The following TAF1L variants were observed in gnomAD, a reference collection of about 807,000 sequenced individuals.
The protein encoded by TAF1L is TATA-box binding protein associated factor 1 like.
A neutral mutation model predicts 128.8 loss-of-function variants in TAF1L; 30 were observed. The observed-to-expected ratio is 0.23, with a 90% CI of 0.17 to 0.32. The LOEUF is 0.32. Ranked by LOEUF, TAF1L falls within the 10% of genes least tolerant of loss-of-function variation. The probability of loss-of-function intolerance (pLI) is 1.00; values close to 1 mark genes in which losing one functional copy is unlikely to be tolerated. For missense variants in TAF1L, 2,099 were observed against 2,253.7 expected (o/e 0.93, Z 1.39); for synonymous variants, 764 against 790.7 (o/e 0.97, Z 0.57).
In TAF1L at chr9:32,634,550, T is replaced by C. The variant is rs768570494; in HGVS notation, c.1030A>G (p.Thr344Ala). Residue 344 changes from threonine (T) to alanine (A), a missense_variant, in exon 1 of 1, where the codon ACT becomes GCT. Physicochemically the swap from Thr to Ala is moderately conservative, Grantham distance 58. This residue lies in a region of TAF1L where 473 missense variants were observed against 429.6 expected (regional missense o/e 1.10). Transcript: ENST00000242310. ...TCTGTCACTTTATCTACATCTCCAG[T>C]TGATTGGGAAAATTTGGACTCCACA... ...VPVESKFSQS[T>A]GDVDKVTDTK... The C allele has an allele frequency of 1.2e-6, 2 of 1,614,132 alleles. No homozygotes were observed. The highest frequency in any genetic ancestry group is 1.7e-6 in the Non-Finnish European group (2 of 1,180,006).
chr9:32,631,348 A>G lies in TAF1L; in HGVS notation c.4232T>C (p.Ile1411Thr). The G allele has an allele frequency of 6.2e-7, 1 of 1,614,202 alleles. No homozygotes were observed. The highest frequency in any genetic ancestry group is 1.7e-5 in the Admixed American group (1 of 60,028). The change falls in exon 1 of 1, where the codon ATC becomes ACC. Residue 1411 changes from isoleucine to threonine, a missense_variant. Coordinates refer to ENST00000242310, the MANE Select transcript of TAF1L (RefSeq NM_153809.2). This position sits in a 1 kb window ranked among gnomAD's most constrained non-coding sequence, Gnocchi z 4.1. ...MVTLSSILESIINDMRDLPNT... is the reference protein window; with the variant it reads ...MVTLSSILESTINDMRDLPNT... ...TGGAAGATCTCTCATGTCATTGATG[A>G]TAGACTCCAGGATGGATGACAGCGT...
chr9:32,632,307 T>C lies in TAF1L; in HGVS notation c.3273A>G (p.Leu1091=), dbSNP rs148986899. 5.0e-6 allele frequency: 8 copies of C among 1,614,214 alleles called. No individual in the cohort carries two copies. The African/African-American group carries it at 8.0e-5, about 16-fold the overall frequency. Residue 1091 remains leucine, a synonymous_variant, in exon 1 of 1, where the codon CTA becomes CTG. Transcript: ENST00000242310. This position sits in a 1 kb window ranked among gnomAD's most constrained non-coding sequence, Gnocchi z 4.4. ...YKEECQRIFD[L]QNKVLSSTEV... is the part of the protein sequence containing the mutation. ...CAGTTGATGACAGAACCTTGTTCTG[T>C]AGGTCAAAGATACGCTGACATTCCT...
rs1180376388 is a variant in TAF1L, at chr9:32,635,582, A to G, written c.-3T>C. On this transcript the variant is annotated 5_prime_UTR_variant, in exon 1 of 1. Coordinates refer to ENST00000242310, the MANE Select transcript of TAF1L (RefSeq NM_153809.2). Reference sequence around the variant, plus strand: ...AGCAAATCGCAGCCGGGTCGCATAAACCGGAAATAAAACAACAGTCGCCCG... The same window carrying G: ...AGCAAATCGCAGCCGGGTCGCATAAGCCGGAAATAAAACAACAGTCGCCCG... The G allele has an allele frequency of 3.2e-6, 5 of 1,584,486 alleles. No individual in the cohort carries two copies. Among genetic ancestry groups the G allele is most frequent in the Middle Eastern group, 3.4e-4 (2 of 5,886 alleles).
rs778729154 is a variant in TAF1L at position 32,629,782 on chromosome 9, C to A, written c.*317G>T. The A allele has an allele frequency of 4.3e-5, 20 of 469,446 alleles. No homozygotes were observed. Among genetic ancestry groups the A allele is most frequent in the Non-Finnish European group, 6.8e-5 (18 of 264,912 alleles). The allele number at this position is 469,446 out of a possible 1,614,324, so 29.1% of individuals were successfully genotyped here. A position where few individuals can be genotyped will look rare whatever the true frequency, so the allele number is the denominator to read the frequency against. ...AAGCAATTCTCCTGCTTCAGCCTCCCGAGTATCTGGGGATTACAGGCGTGC... is the reference window on the plus strand; with the variant it reads ...AAGCAATTCTCCTGCTTCAGCCTCCAGAGTATCTGGGGATTACAGGCGTGC... On this transcript the variant is annotated 3_prime_UTR_variant, in exon 1 of 1. Coordinates refer to ENST00000242310, the MANE Select transcript of TAF1L (RefSeq NM_153809.2).
rs1822503318 is a variant in TAF1L at position 32,630,510 on chromosome 9, C to A, written c.5070G>T (p.Leu1690Phe). 3.1e-6 allele frequency: 5 copies of A among 1,614,196 alleles called. No individual in the cohort carries two copies. The East Asian group carries it at 8.9e-5, about 29-fold the overall frequency. The change falls in exon 1 of 1, where the codon TTG becomes TTT. Residue 1690 changes from leucine to phenylalanine, a missense_variant. Physicochemically the swap from Leu to Phe is conservative, Grantham distance 22. Around this residue, in one of 4 missense-constraint regions of TAF1L, gnomAD observed 404 missense variants for 406.5 expected, o/e 0.99. Coordinates refer to ENST00000242310, the MANE Select transcript of TAF1L (RefSeq NM_153809.2). The stretch of plus-strand genomic sequence containing the variant: ...TGGCAGTGGAAATATCCAAGACAGA[C>A]AAATTGCTCTCATCTTGAAATACAG... ...DASVFQDESN[L>F]SVLDISTATP... is the part of the protein sequence containing the mutation.
rs777711858 is a variant in TAF1L, at chr9:32,632,967, G to A, written c.2613C>T (p.Phe871=). ...IRKRLKLCAD[F]KRTGMDSNWW... is the part of the protein sequence containing the mutation. ...AGTTTGAATCCATCCCTGTGCGTTT[G>A]AAGTCAGCGCAGAGCTTTAGCCTCT... Residue 871 remains phenylalanine (F), a synonymous_variant, in exon 1 of 1, where the codon TTC becomes TTT. Transcript: ENST00000242310. The surrounding 1 kb of genome is among the most constrained non-coding windows in gnomAD (Gnocchi z 4.4). 1.3e-5 allele frequency: 21 copies of A among 1,614,242 alleles called. No homozygotes were observed. The highest frequency in any genetic ancestry group is 1.8e-5 in the Non-Finnish European group (21 of 1,180,040).
rs527429049 is a variant in TAF1L, at chr9:32,633,526, C to A, written c.2054G>T (p.Arg685Leu). ...TTTGCCTGTGAGATCCTGAGGTGTG[C>A]GCATAAAAAACAACTCTCCACCACC... ...ASGGGELFFM[R>L]TPQDLTGKDG... The change falls in exon 1 of 1, where the codon CGC becomes CTC. Residue 685 changes from arginine to leucine, a missense_variant. Coordinates refer to ENST00000242310, the MANE Select transcript of TAF1L (RefSeq NM_153809.2). The A allele has an allele frequency of 1.2e-6, 2 of 1,614,036 alleles. No individual in the cohort carries two copies. The highest frequency in any genetic ancestry group is 1.3e-5 in the African/African-American group (1 of 74,902).
In TAF1L at chr9:32,633,844, T is replaced by G. The variant is rs752140615; in HGVS notation, c.1736A>C (p.Glu579Ala). ...EEPQQNMSQP[E>A]VKDPWNLSND... is the part of the protein sequence containing the mutation. ...GGAGAGATTCCATGGATCTTTCACT[T>G]CTGGCTGAGACATGTTCTGCTGTGG... Residue 579 changes from glutamate (E) to alanine (A), a missense_variant, in exon 1 of 1, where the codon GAA (glutamate) becomes GCA (alanine). Transcript: ENST00000242310. 6.2e-7 allele frequency: 1 copy of G among 1,614,214 alleles called. No homozygotes were observed. Among genetic ancestry groups the G allele is most frequent in the Non-Finnish European group, 8.5e-7 (1 of 1,180,040 alleles).
Position 32,630,185 on chromosome 9 carries a change from C to T in TAF1L, c.5395G>A (p.Asp1799Asn). 1.2e-6 allele frequency: 2 copies of T among 1,614,232 alleles called. No homozygotes were observed. Among genetic ancestry groups the T allele is most frequent in the East Asian group, 2.2e-5 (1 of 44,886 alleles). Residue 1799 changes from aspartate to asparagine, a missense_variant, in exon 1 of 1, where the codon GAT (aspartate) becomes AAT (asparagine). Physicochemically the swap from Asp to Asn is conservative, Grantham distance 23. Coordinates refer to ENST00000242310, the MANE Select transcript of TAF1L (RefSeq NM_153809.2). Reference protein sequence around the residue: ...IQLSESGSDSDVGYGGIRPKQ... With the variant: ...IQLSESGSDSNVGYGGIRPKQ... ...GGTCTTATTCCACCATATCCCACAT[C>T]AGAGTCACTTCCACTTTCACTCAGC...
rs920642291 is a variant in TAF1L at position 32,633,714 on chromosome 9, A to G, written c.1866T>C (p.Phe622=). The G allele has an allele frequency of 1.1e-5, 18 of 1,614,160 alleles. No individual in the cohort carries two copies. The highest frequency in any genetic ancestry group is 1.5e-5 in the Non-Finnish European group (18 of 1,180,024). The change falls in exon 1 of 1, where the codon TTT becomes TTC. Residue 622 remains phenylalanine (F), a synonymous_variant. Coordinates refer to ENST00000242310, the MANE Select transcript of TAF1L (RefSeq NM_153809.2). ...IPAMELWQPF[F]PTHMGPIKIR... is the part of the protein sequence containing the mutation. Reference sequence around the variant, plus strand: ...TTTTGATGGGCCCCATGTGGGTGGGAAAGAAGGGCTGCCATAATTCCATAG... The same window carrying G: ...TTTTGATGGGCCCCATGTGGGTGGGGAAGAAGGGCTGCCATAATTCCATAG...
At position 32,634,943 on chromosome 9, in the gene TAF1L, C is replaced by T. The variant is rs1208225333; in HGVS notation, c.637G>A (p.Gly213Arg). ...TCTGCCTGTGTTGCTTCCTGAGGTC[C>T]CATCTCAGATTCTGAATCAGAGTAA... is the stretch of plus-strand genomic sequence containing the variant. ...SSYSDSESEM[G>R]PQEATQAESE... The change falls in exon 1 of 1, where the codon GGA becomes AGA. Residue 213 changes from glycine to arginine, a missense_variant. Coordinates refer to ENST00000242310, the MANE Select transcript of TAF1L (RefSeq NM_153809.2). 2 of 1,613,988 alleles carry T rather than the reference C, an allele frequency of 1.2e-6. No homozygotes were observed. The highest frequency in any genetic ancestry group is 1.3e-5 in the African/African-American group (1 of 74,892).
In TAF1L at chr9:32,631,017, A is replaced by G. The variant is rs746842742; in HGVS notation, c.4563T>C (p.Asp1521=). Residue 1521 remains aspartate, a synonymous_variant, in exon 1 of 1, where the codon GAT becomes GAC. Transcript: ENST00000242310. The surrounding 1 kb of genome is among the most constrained non-coding windows in gnomAD (Gnocchi z 4.1). ...EKAINPLLDD[D]DQVAFSFILD... ...GAATGAAAGAAAATGCCACTTGGTC[A>G]TCATCATCCAGCAAGGGGTTGATAG... 3 of 1,614,122 alleles carry G rather than the reference A, an allele frequency of 1.9e-6. No homozygotes were observed. The highest frequency in any genetic ancestry group is 1.7e-5 in the Admixed American group (1 of 60,006).
chr9:32,633,083 G>T lies in TAF1L; in HGVS notation c.2497C>A (p.Leu833Ile). The part of the protein sequence containing the change: ...RDFLQVFIYR[L>I]FWKSKDRPRR... ...GGCCGATCTTTACTCTTCCAGAAAA[G>T]GCGGTAAATAAAAACCTGTAGAAAG... The change falls in exon 1 of 1, where the codon CTT becomes ATT. Residue 833 changes from leucine to isoleucine, a missense_variant. Coordinates refer to ENST00000242310, the MANE Select transcript of TAF1L (RefSeq NM_153809.2). 1 of 1,614,172 alleles carries T rather than the reference G, an allele frequency of 6.2e-7. No individual in the cohort carries two copies. The highest frequency in any genetic ancestry group is 8.5e-7 in the Non-Finnish European group (1 of 1,180,022).
rs1335507375 is a variant in TAF1L, at chr9:32,635,007, G to A, written c.573C>T (p.Ala191=). 1 of 1,613,926 alleles carries A rather than the reference G, an allele frequency of 6.2e-7. No homozygotes were observed. Among genetic ancestry groups the A allele is most frequent in the Non-Finnish European group, 8.5e-7 (1 of 1,180,018 alleles). ...CTTTCTCTGAGGCCAAAAAGGAAGGGGCAATGATGGAGGGCAAGATGATGT... is the reference window on the plus strand; with the variant it reads ...CTTTCTCTGAGGCCAAAAAGGAAGGAGCAATGATGGAGGGCAAGATGATGT... ...GEDIILPSII[A]PSFLASEKVD... Residue 191 remains alanine (A), a synonymous_variant, in exon 1 of 1, where the codon GCC becomes GCT. Coordinates refer to ENST00000242310, the MANE Select transcript of TAF1L (RefSeq NM_153809.2).
chr9:32,629,706 G>A lies in TAF1L; in HGVS notation c.*393C>T. The A allele has an allele frequency of 7.0e-6, 2 of 285,282 alleles. No homozygotes were observed. The highest frequency in any genetic ancestry group is 8.1e-5 in the East Asian group (1 of 12,296). The allele number at this position is 285,282 out of a possible 1,614,324, so 17.7% of individuals were successfully genotyped here. On this transcript the variant is annotated 3_prime_UTR_variant, in exon 1 of 1. Transcript: ENST00000242310. ...GGAGTCTCACTCTTTCGCCCAGGCT[G>A]GAGCGCAGTGGCGTGATCTCCACTC...
rs1341503295 is a variant in TAF1L, at chr9:32,630,913, A to T, written c.4667T>A (p.Val1556Asp). 2 of 1,614,226 alleles carry T rather than the reference A, an allele frequency of 1.2e-6. No homozygotes were observed. The highest frequency in any genetic ancestry group is 1.7e-6 in the Non-Finnish European group (2 of 1,180,048). ...PFHHPVNKKF[V>D]PDYYKMIVNP... ...GACAATCATTTTGTAATAATCTGGAACAAACTTCTTATTAACTGGGTGATG... is the reference window on the plus strand; with the variant it reads ...GACAATCATTTTGTAATAATCTGGATCAAACTTCTTATTAACTGGGTGATG... Residue 1556 changes from valine (V) to aspartate (D), a missense_variant, in exon 1 of 1, where the codon GTT becomes GAT. Val to Asp is a radical substitution (Grantham distance 152, BLOSUM62 -3). This residue lies in a region of TAF1L where 404 missense variants were observed against 406.5 expected (regional missense o/e 0.99). Coordinates refer to ENST00000242310, the MANE Select transcript of TAF1L (RefSeq NM_153809.2).
rs759931935 is a variant in TAF1L at position 32,630,092 on chromosome 9, G to A, written c.*7C>T. 6 of 1,613,894 alleles carry A rather than the reference G, an allele frequency of 3.7e-6. No homozygotes were observed. Among genetic ancestry groups the A allele is most frequent in the Middle Eastern group, 1.6e-4 (1 of 6,082 alleles). ...CACCGTCTCCCTCATGGGACATCATGCTTTCTTCATTTTCCGTGCCCATCC... is the reference window on the plus strand; with the variant it reads ...CACCGTCTCCCTCATGGGACATCATACTTTCTTCATTTTCCGTGCCCATCC... On this transcript the variant is annotated 3_prime_UTR_variant, in exon 1 of 1. Coordinates refer to ENST00000242310, the MANE Select transcript of TAF1L (RefSeq NM_153809.2).
rs749118419 is a variant in TAF1L at position 32,632,073 on chromosome 9, T to C, written c.3507A>G (p.Thr1169=). 5.6e-6 allele frequency: 9 copies of C among 1,614,174 alleles called. No homozygotes were observed. The South Asian group carries it at 9.9e-5, about 18-fold the overall frequency. The stretch of plus-strand genomic sequence containing the variant: ...AAGACTTAAGGCTAGTCATGGAAGC[T>C]GTGACATCATCTCTGTGATTGTTTC... ...ASGNNHRDDV[T]ASMTSLKSSA... The change falls in exon 1 of 1, where the codon ACA becomes ACG. Residue 1169 remains threonine (T), a synonymous_variant. Coordinates refer to ENST00000242310, the MANE Select transcript of TAF1L (RefSeq NM_153809.2). This position sits in a 1 kb window ranked among gnomAD's most constrained non-coding sequence, Gnocchi z 4.4.
chr9:32,632,853 G>A lies in TAF1L; in HGVS notation c.2727C>T (p.Ser909=). The A allele has an allele frequency of 1.2e-6, 2 of 1,614,198 alleles. No homozygotes were observed. The change falls in exon 1 of 1, where the codon AGC becomes AGT. Residue 909 remains serine (S), a synonymous_variant. Coordinates refer to ENST00000242310, the MANE Select transcript of TAF1L (RefSeq NM_153809.2). The surrounding 1 kb of genome is among the most constrained non-coding windows in gnomAD (Gnocchi z 4.4). ...VSPEQCCAYY[S]MIAAKQRLKD... ...TCAGTCGTTGCTTTGCAGCTATCATGCTATAATAAGCACAGCACTGCTCTG... is the reference window on the plus strand; with the variant it reads ...TCAGTCGTTGCTTTGCAGCTATCATACTATAATAAGCACAGCACTGCTCTG...
Sources: allele counts gnomAD v4.1 joint callset, GRCh38; gene constraint gnomAD v4.1.1; regional missense constraint gnomAD v4.1.1; non-coding constraint Gnocchi (gnomAD v3.1); transcripts MANE v1.5; gene names NCBI Gene and HGNC (gene_info 2026-07-23, HGNC 2026-07-21).